STXBP5: variants seen among roughly 807,000 people sequenced by gnomAD.
The protein encoded by STXBP5 is syntaxin-binding protein 5.
Under a neutral mutation model 152.4 loss-of-function variants are expected in STXBP5, and 50 were observed. That is an observed-to-expected ratio of 0.33 (90% CI 0.26 to 0.42). The LOEUF is 0.42. Ranked by LOEUF, STXBP5 falls within the 10% of genes least tolerant of loss-of-function variation. The pLI is 1.00. For missense variants in STXBP5, 1,167 were observed against 1,388.6 expected, an observed-to-expected ratio of 0.84 and a Z score of 2.54; for synonymous variants, 492 against 494.7, an observed-to-expected ratio of 0.99 and a Z score of 0.07.
At chr6:147,216,216 A>G (rs1777157409) in intron 2 of STXBP5, among the ~76,000 whole-genome samples, 1 of 152,186 alleles carries the variant, frequency 6.6e-6, no homozygotes, top group South Asian at 2.1e-4. Context: ...ACATGGTGAA[A>G]CCCCGTCTCT....
intron 7 of STXBP5, among the ~76,000 whole-genome samples, chr6:147,276,990 G>C (rs1454337775): frequency 6.6e-6 from 1 of 151,950 alleles, no homozygotes; most frequent in Admixed American, 6.6e-5. Context: ...CTGCTGTGTT[G>C]GTAGCATTAA....
At chr6:147,235,623 C>T (rs1331170583) in intron 3 of STXBP5, among the ~76,000 whole-genome samples, 5 of 152,016 alleles carry the variant, frequency 3.3e-5, no homozygotes, top group African/African-American at 2.4e-5. Flanking sequence ...TAACATAGAA[C>T]TCTATATTAA....
chr6:147,375,594 G>A (rs1785771723), intron 26 of STXBP5, among the ~76,000 whole-genome samples: 5 of 151,074 alleles, frequency 3.3e-5, no homozygotes, highest in Admixed American at 3.3e-4. Context: ...GAAGGAAATA[G>A]GAAGGACTGC....
intron 7 of STXBP5, among the ~76,000 whole-genome samples, chr6:147,277,341 A>G (rs1028116520): frequency 6.6e-6 from 1 of 152,130 alleles, no homozygotes; most frequent in African/African-American, 2.4e-5. Context: ...TCAGTTGACC[A>G]TTAAGAACTA....
At chr6:147,272,203 A>G (rs1011765486) in intron 7 of STXBP5, among the ~76,000 whole-genome samples, 4 of 152,082 alleles carry the variant, frequency 2.6e-5, no homozygotes, top group African/African-American at 9.7e-5. Context: ...TTGTACTTAG[A>G]CTCTTCTTAA....
At chr6:147,366,295 C>T (rs1298730912) in intron 25 of STXBP5, among the ~76,000 whole-genome samples, 3 of 152,188 alleles carry the variant, frequency 2.0e-5, no homozygotes, top group African/African-American at 4.8e-5. Context: ...TTTGTAGAAA[C>T]CATTCCAGGA....
At chr6:147,366,612 G>A (rs2128415436) in intron 25 of STXBP5, among the ~76,000 whole-genome samples, 1 of 152,252 alleles carries the variant, frequency 6.6e-6, no homozygotes. Context: ...CCTCTTCTGG[G>A]TGTCAAATCT....
intron 9 of STXBP5, among the ~76,000 whole-genome samples, chr6:147,308,708 A>G (rs2128368569): frequency 6.6e-6 from 1 of 152,328 alleles, no homozygotes; most frequent in South Asian, 2.1e-4. Context: ...ACATACATCT[A>G]TTGCATTGAT....
At chr6:147,215,067 T>C (rs1285027263) in intron 2 of STXBP5, among the ~76,000 whole-genome samples, 2 of 152,198 alleles carry the variant, frequency 1.3e-5, no homozygotes, top group African/African-American at 2.4e-5. Context: ...GGCTTTATGG[T>C]CTCTGTGACG....
At chr6:147,320,710 C>T (rs1782893406) in intron 16 of STXBP5, among the ~76,000 whole-genome samples, 2 of 152,032 alleles carry the variant, frequency 1.3e-5, no homozygotes, top group Non-Finnish European at 2.9e-5. Flanking sequence ...TCAAGTTATA[C>T]ATTTAAATTA....
chr6:147,255,870 T>A (rs952140762), intron 4 of STXBP5, among the ~76,000 whole-genome samples: 5 of 152,182 alleles, frequency 3.3e-5, no homozygotes, highest in African/African-American at 1.2e-4. Context: ...TTTTTTCAAC[T>A]TTAAATAATT....
At chr6:147,350,050 T>G (rs143539297) in intron 21 of STXBP5, among the ~76,000 whole-genome samples, 197 of 152,268 alleles carry the variant, frequency 1.3e-3, no homozygotes, top group African/African-American at 4.4e-3. Context: ...GAGAAAATAA[T>G]AAATTGACTA....
At chr6:147,307,708 T>A (rs1436242701) in intron 9 of STXBP5, among the ~76,000 whole-genome samples, 2 of 152,062 alleles carry the variant, frequency 1.3e-5, no homozygotes, top group East Asian at 3.9e-4. Flanking sequence ...ACAAGTAAAA[T>A]AGATTTGGCA....
chr6:147,336,195 G>A (rs1401506814), intron 19 of STXBP5, among the ~76,000 whole-genome samples: 1 of 152,110 alleles, frequency 6.6e-6, no homozygotes, highest in Non-Finnish European at 1.5e-5. Context: ...CAGATAGCAG[G>A]AGATAGCAGT....
intron 22 of STXBP5, among the ~76,000 whole-genome samples, chr6:147,357,325 G>A (rs1784859826): frequency 6.6e-6 from 1 of 152,062 alleles, no homozygotes; most frequent in Non-Finnish European, 1.5e-5. Flanking sequence ...TCAAGCAAAA[G>A]CCTAAAAGTA....
rs1048650138 is a variant in STXBP5 at position 147,310,008 on chromosome 6, A to G, written c.918-76A>G. 13 of 1,043,250 alleles carry G rather than the reference A, an allele frequency of 1.2e-5. No homozygotes were observed. In the African/African-American group the frequency reaches 2.0e-4, roughly 16 times the overall value. 64.6% of individuals were successfully genotyped at this position (1,043,250 alleles called of 1,614,324 possible). A position where few individuals can be genotyped will look rare whatever the true frequency, so the allele number is the denominator to read the frequency against. On this transcript the variant is annotated intron_variant, in intron 9 of 27. Transcript: ENST00000321680. ...ATTTAAGATTTTGTTATTTCACTAA[A>G]TTAAAAAATTATGATGTAGCAAGAA...
At position 147,386,706 on chromosome 6, in the gene STXBP5, A is replaced by G. The variant is rs1449215914; in HGVS notation, c.*1951A>G. On this transcript the variant is annotated 3_prime_UTR_variant, in exon 28 of 28. Transcript: ENST00000321680. ...TATCCAGTAAACCCATAGTTCCATG[A>G]TATGTCACAGGAATTGTTAGGTCCT... is the stretch of plus-strand genomic sequence containing the variant. The G allele has an allele frequency of 6.6e-6, 1 of 151,852 alleles. No homozygotes were observed. Among genetic ancestry groups the G allele is most frequent in the Non-Finnish European group, 1.5e-5 (1 of 67,802 alleles). The allele number at this position is 151,852 out of a possible 1,614,324, so 9.4% of individuals were successfully genotyped here.
At chr6:147,245,465 A>G (rs1778765612) in intron 4 of STXBP5, among the ~76,000 whole-genome samples, 1 of 152,106 alleles carries the variant, frequency 6.6e-6, no homozygotes, top group Non-Finnish European at 1.5e-5. Context: ...TATCACAGGG[A>G]CAAATTTGCC....
At chr6:147,328,926 A>G (rs1208273866) in intron 18 of STXBP5, 1 of 284,986 alleles carries the variant, frequency 3.5e-6, no homozygotes, top group African/African-American at 2.2e-5. Context: ...ATGTATATGA[A>G]AACAGCTATT....
Sources: allele counts gnomAD v4.1 joint callset (sites outside exome capture counted in the v4.1 genomes callset), GRCh38; gene constraint gnomAD v4.1.1; transcripts MANE v1.5; gene names NCBI Gene and HGNC (gene_info 2026-07-23, HGNC 2026-07-21).